The following BPNT2 variants were observed in gnomAD, a reference collection of about 807,000 sequenced individuals.
The protein encoded by BPNT2 is 3'(2'), 5'-bisphosphate nucleotidase 2.
In BPNT2, 11 loss-of-function variants were observed where a neutral mutation model predicts 29.3. That is an observed-to-expected ratio of 0.38 (90% CI 0.24 to 0.62). The LOEUF (loss-of-function observed/expected upper bound fraction) is 0.62, where lower values mean the gene tolerates loss of function less well. Among genes scored for constraint, BPNT2 ranks in the 20% least tolerant of loss-of-function variants. BPNT2 has a pLI of 0.62. For synonymous variants in BPNT2, 195 were observed against 187.7 expected (o/e 1.04, Z -0.32); for missense variants, 459 against 473.4 (o/e 0.97, Z 0.28).
At chr8:56,971,504 T>A (rs11778484) in intron 3 of BPNT2, among the ~76,000 whole-genome samples, 31,845 of 151,910 alleles carry the variant, frequency 0.21, 3,724 homozygotes, top group East Asian at 0.45. Flanking sequence ...TTGAAAAAAA[T>A]TCACGGACAA....
At chr8:56,966,805 T>C (rs1805960939) in intron 3 of BPNT2, among the ~76,000 whole-genome samples, 1 of 152,172 alleles carries the variant, frequency 6.6e-6, no homozygotes. Context: ...CACAAGTAAC[T>C]TCCCTAACTC....
At position 56,975,473 on chromosome 8, in the gene BPNT2, TAA is replaced by T. The variant is rs566900584; in HGVS notation, c.646+2575_646+2576del. On this transcript the variant is annotated intron_variant, in intron 3 of 4. Coordinates refer to ENST00000262644, the MANE Select transcript of BPNT2 (RefSeq NM_017813.5). ...ACTTTTATATGCCTGTTTTTTTAAT[TAA>T]AAAAAGTCATAATTTCCATTTTATA... 5.0e-3 allele frequency among the ~76,000 whole-genome samples: 766 copies of T among 152,202 alleles called. 2 individuals are homozygous for T. Among genetic ancestry groups the T allele is most frequent in the Non-Finnish European group, 7.6e-3 (517 of 67,998 alleles).
At chr8:56,980,250 T>C (rs1806217440) in intron 1 of BPNT2, 53 bp from the exon 2 acceptor site, 2 of 1,400,510 alleles carry the variant, frequency 1.4e-6, no homozygotes, top group African/African-American at 2.8e-5. Flanking sequence ...AATCACTATT[T>C]GATAAACTAC....
chr8:56,989,344 C>T (rs974530831), intron 1 of BPNT2, among the ~76,000 whole-genome samples: 20 of 149,950 alleles, frequency 1.3e-4, no homozygotes, highest in Middle Eastern at 3.5e-3. Flanking sequence ...TGCACTCCAG[C>T]CTGGGCGACA....
chr8:56,971,508 C>T (rs886962858), intron 3 of BPNT2, among the ~76,000 whole-genome samples: 6 of 151,774 alleles, frequency 4.0e-5, no homozygotes, highest in East Asian at 3.9e-4. Flanking sequence ...AAAAAATTCA[C>T]GGACAAATTA....
At chr8:56,978,681 G>A (rs928037865) in intron 2 of BPNT2, among the ~76,000 whole-genome samples, 2 of 149,344 alleles carry the variant, frequency 1.3e-5, no homozygotes, top group African/African-American at 5.0e-5. Context: ...AAAAAAATGT[G>A]GTACATATAC....
At chr8:56,977,520 T>C (rs1806161221) in intron 3 of BPNT2, among the ~76,000 whole-genome samples, 2 of 152,194 alleles carry the variant, frequency 1.3e-5, no homozygotes, top group African/African-American at 4.8e-5. Context: ...ACCTTAACTT[T>C]CTGGGTTGTT....
At chr8:56,981,666 C>A (rs1262663682) in intron 1 of BPNT2, among the ~76,000 whole-genome samples, 2 of 152,162 alleles carry the variant, frequency 1.3e-5, no homozygotes, top group East Asian at 3.9e-4. Flanking sequence ...ATTGAGTGTT[C>A]TTTAAGAATT....
chr8:56,984,334 C>G (rs573551433), intron 1 of BPNT2, among the ~76,000 whole-genome samples: 1 of 152,232 alleles, frequency 6.6e-6, no homozygotes, highest in Non-Finnish European at 1.5e-5. Flanking sequence ...GCCGCAACCA[C>G]TACATACCTA....
Position 56,979,987 on chromosome 8 carries a change from C to G in BPNT2, c.550+48G>C, listed in dbSNP as rs763707800. 7 of 1,580,636 alleles carry G rather than the reference C, an allele frequency of 4.4e-6. No individual in the cohort carries two copies. The African/African-American group carries it at 9.4e-5, about 21-fold the overall frequency. ...GGAAGTATGCCTTGGTTCTGGTTCT[C>G]TACTACTAAACGTCAATCAAATGTT... is the stretch of plus-strand genomic sequence containing the variant. On this transcript the variant is annotated intron_variant, in intron 2 of 4. Transcript: ENST00000262644.
Position 56,993,410 on chromosome 8 carries a change from C to A in BPNT2, c.176G>T (p.Gly59Val). Residue 59 changes from glycine to valine, a missense_variant, in exon 1 of 5, where the codon GGC (glycine) becomes GTC (valine). Physicochemically the swap from Gly to Val is moderately radical, Grantham distance 109. Coordinates refer to ENST00000262644, the MANE Select transcript of BPNT2 (RefSeq NM_017813.5). The stretch of plus-strand genomic sequence containing the variant: ...CAGCATCTCGCGCAAGTCCACGGTG[C>A]CCCCATCGGCCGCGGCCGCGGGCCC... ...AAGPAAAADG[G>V]TVDLREMLAV... The A allele has an allele frequency of 6.4e-7, 1 of 1,562,596 alleles. No individual in the cohort carries two copies.
chr8:56,959,997 T>C lies in BPNT2; in HGVS notation c.*3796A>G, dbSNP rs1006392344. 2 of 152,214 alleles carry C rather than the reference T, an allele frequency of 1.3e-5. 1 individual carries two copies. The highest frequency in any genetic ancestry group is 2.9e-5 in the Non-Finnish European group (2 of 68,036). The allele number at this position is 152,214 out of a possible 1,614,324, so 9.4% of individuals were successfully genotyped here. A position where few individuals can be genotyped will look rare whatever the true frequency, so the allele number is the denominator to read the frequency against. ...ACAAGACAGACCTTTTGTAGGCATA[T>C]AAATACATCTTAAATTCAATCAAGA... On this transcript the variant is annotated 3_prime_UTR_variant, in exon 5 of 5. Coordinates refer to ENST00000262644, the MANE Select transcript of BPNT2 (RefSeq NM_017813.5).
At chr8:56,981,256 G>T (rs570463594) in intron 1 of BPNT2, among the ~76,000 whole-genome samples, 24 of 152,308 alleles carry the variant, frequency 1.6e-4, no homozygotes, top group African/African-American at 5.8e-4. Flanking sequence ...AGTCTAATTT[G>T]TAAAACAGTG....
At chr8:56,989,372 T>TAAAAA in intron 1 of BPNT2, among the ~76,000 whole-genome samples, 1 of 131,232 alleles carries the variant, frequency 7.6e-6, no homozygotes, top group East Asian at 2.2e-4. Context: ...ACACCATCTT[T>TAAAAA]AAAAAAAAAA....
At chr8:56,993,102 A>T in intron 1 of BPNT2, 97 bp downstream of exon 1, 1 of 1,529,248 alleles carries the variant, frequency 6.5e-7, no homozygotes, top group Admixed American at 2.0e-5. Flanking sequence ...CACATCTACA[A>T]AATGGAACCA....
At chr8:56,974,465 T>C (rs1806094979) in intron 3 of BPNT2, among the ~76,000 whole-genome samples, 2 of 152,200 alleles carry the variant, frequency 1.3e-5, no homozygotes, top group South Asian at 4.1e-4. Flanking sequence ...AATATCTAGT[T>C]CCCACTATAG....
At chr8:56,975,761 A>G (rs376389250) in intron 3 of BPNT2, among the ~76,000 whole-genome samples, 1 of 152,320 alleles carries the variant, frequency 6.6e-6, no homozygotes, top group East Asian at 1.9e-4. Flanking sequence ...ACACGATATA[A>G]ATGTTAGAAA....
chr8:56,991,105 T>A (rs754257314), intron 1 of BPNT2, among the ~76,000 whole-genome samples: 3 of 152,186 alleles, frequency 2.0e-5, no homozygotes, highest in African/African-American at 7.2e-5. Flanking sequence ...TCCTTTTAGG[T>A]TGATTCTCCA....
At position 56,963,128 on chromosome 8, in the gene BPNT2, A is replaced by G. The variant is rs1805866224; in HGVS notation, c.*665T>C. On this transcript the variant is annotated 3_prime_UTR_variant, in exon 5 of 5. Coordinates refer to ENST00000262644, the MANE Select transcript of BPNT2 (RefSeq NM_017813.5). ...TACAAACACACTTTTCTTTATAAAA[A>G]CAAAACAACACACACACATACACAC... 1 of 152,278 alleles carries G rather than the reference A, an allele frequency of 6.6e-6. No individual in the cohort carries two copies. The highest frequency in any genetic ancestry group is 2.4e-5 in the African/African-American group (1 of 41,464). 9.4% of individuals were successfully genotyped at this position (152,278 alleles called of 1,614,324 possible).
Sources: allele counts gnomAD v4.1 joint callset (sites outside exome capture counted in the v4.1 genomes callset), GRCh38; gene constraint gnomAD v4.1.1; transcripts MANE v1.5; gene names NCBI Gene and HGNC (gene_info 2026-07-23, HGNC 2026-07-21).